Variants in NRG4 observed in about 807,000 individuals in gnomAD.
NRG4 encodes the protein pro-neuregulin-4, membrane-bound isoform.
NRG4 carries 10 observed loss-of-function variants against 15.0 expected under a neutral mutation model. The ratio of observed to expected loss-of-function variants is 0.67; its 90% confidence interval spans 0.41 to 1.13. The LOEUF (loss-of-function observed/expected upper bound fraction) is 1.13, where lower values mean the gene tolerates loss of function less well. Ranked by LOEUF, NRG4 falls within the 50% of genes most tolerant of loss-of-function variation. NRG4 has a pLI of 0.00. For missense variants in NRG4, 139 were observed against 140.2 expected (o/e 0.99, Z 0.04); for synonymous variants, 41 against 50.1 (o/e 0.82, Z 0.77).
intron 5 of NRG4, among the ~76,000 whole-genome samples, chr15:76,031,298 T>C (rs1446988355): frequency 6.6e-6 from 1 of 152,194 alleles, no homozygotes; most frequent in Non-Finnish European, 1.5e-5. Flanking sequence ...CCCCTAAGAT[T>C]AGAAACAAGG....
At chr15:75,988,372 A>C (rs989623919) in intron 3 of NRG4, among the ~76,000 whole-genome samples, 2 of 152,068 alleles carry the variant, frequency 1.3e-5, no homozygotes, top group African/African-American at 4.8e-5. Flanking sequence ...TTTTTAGGAG[A>C]GATAGGGTTT....
intron 3 of NRG4, among the ~76,000 whole-genome samples, chr15:75,973,647 C>T (rs920376764): frequency 1.3e-5 from 2 of 152,268 alleles, no homozygotes; most frequent in South Asian, 2.1e-4. Flanking sequence ...GTCATTGGTT[C>T]TGTTTATGTG....
intron 5 of NRG4, among the ~76,000 whole-genome samples, chr15:76,029,542 CA>C (rs1386695836): frequency 6.6e-6 from 1 of 152,032 alleles, no homozygotes; most frequent in Admixed American, 6.6e-5. Flanking sequence ...AAGACTCTAC[CA>C]AAAAACTCTT....
At chr15:75,983,875 G>T (rs1271103074) in intron 3 of NRG4, among the ~76,000 whole-genome samples, 2 of 152,006 alleles carry the variant, frequency 1.3e-5, no homozygotes, top group South Asian at 2.1e-4. Context: ...ATTAATTTAT[G>T]AATATAAATG....
intron 3 of NRG4, among the ~76,000 whole-genome samples, chr15:75,963,449 A>G (rs1442731822): frequency 2.0e-5 from 3 of 151,990 alleles, no homozygotes; most frequent in Non-Finnish European, 4.4e-5. Flanking sequence ...TTCAAGATCT[A>G]TCTGGGCAAT....
At chr15:75,999,016 T>A (rs1405406363) in intron 3 of NRG4, among the ~76,000 whole-genome samples, 3 of 152,130 alleles carry the variant, frequency 2.0e-5, no homozygotes, top group African/African-American at 7.2e-5. Flanking sequence ...ATTCAACAAT[T>A]AGAAGAGACT....
intron 4 of NRG4, among the ~76,000 whole-genome samples, chr15:75,961,482 A>G (rs2032520233): frequency 6.6e-6 from 1 of 152,334 alleles, no homozygotes; most frequent in Admixed American, 6.5e-5. Context: ...TAACATGTAC[A>G]GTATTGCGTA....
chr15:76,038,284 G>A (rs1236758461), intron 4 of NRG4, among the ~76,000 whole-genome samples: 1 of 152,196 alleles, frequency 6.6e-6, no homozygotes, highest in Non-Finnish European at 1.5e-5. Flanking sequence ...CTACCACAAC[G>A]TGGTATAGCA....
intron 5 of NRG4, among the ~76,000 whole-genome samples, chr15:76,027,663 A>G (rs978093884): frequency 1.9e-4 from 29 of 152,180 alleles, no homozygotes; most frequent in Non-Finnish European, 2.8e-4. Context: ...CAACAAAGAC[A>G]CACTGGATTT....
upstream of NRG4, among the ~76,000 whole-genome samples, chr15:76,012,794 C>T (rs2034858113): frequency 6.6e-6 from 1 of 151,862 alleles, no homozygotes; most frequent in Non-Finnish European, 1.5e-5. Context: ...ACCTTACAAG[C>T]CAGATAAAAT....
intron 5 of NRG4, among the ~76,000 whole-genome samples, chr15:75,952,739 G>A (rs181303404): frequency 5.7e-4 from 86 of 151,850 alleles, no homozygotes; most frequent in African/African-American, 1.9e-3. Context: ...GGTTTTGATC[G>A]TCATTTCCTG....
At chr15:75,969,330 T>C (rs1258705720) in intron 3 of NRG4, 1 of 393,118 alleles carries the variant, frequency 2.5e-6, no homozygotes, top group Non-Finnish European at 5.3e-6. Flanking sequence ...TAATGGAGTA[T>C]TTGCCAGCTG....
downstream of NRG4, chr15:75,935,607 G>C (rs1003528564): frequency 6.7e-6 from 1 of 149,834 alleles, no homozygotes; most frequent in African/African-American, 2.5e-5. Flanking sequence ...CTTGCAGACT[G>C]ATAAAAGTGG....
chr15:76,051,488 CTT>C (rs929445661), intron 4 of NRG4, among the ~76,000 whole-genome samples: 5 of 150,202 alleles, frequency 3.3e-5, no homozygotes, highest in African/African-American at 1.2e-4. Flanking sequence ...AAAGACCAGA[CTT>C]AAACTTAACC....
chr15:75,954,395 G>T (rs2032100854), intron 5 of NRG4, among the ~76,000 whole-genome samples: 1 of 149,162 alleles, frequency 6.7e-6, no homozygotes. Context: ...AACTGTGCTT[G>T]CCTGGTATTT....
chr15:76,040,912 G>A (rs1242356288), intron 4 of NRG4, among the ~76,000 whole-genome samples: 1 of 152,160 alleles, frequency 6.6e-6, no homozygotes, highest in African/African-American at 2.4e-5. Flanking sequence ...GTGACAAAGT[G>A]AGACTCTGTC....
intron 5 of NRG4, among the ~76,000 whole-genome samples, chr15:76,025,884 A>T (rs879827807): frequency 4.3e-4 from 64 of 148,452 alleles, no homozygotes; most frequent in Non-Finnish European, 7.9e-4. Context: ...CTCAAAAATT[A>T]AAAAAAAAAA....
chr15:75,989,788 G>T (rs2033937525), intron 3 of NRG4, among the ~76,000 whole-genome samples: 2 of 151,796 alleles, frequency 1.3e-5, no homozygotes, highest in African/African-American at 4.8e-5. Flanking sequence ...AATCACATTT[G>T]CCTGCTTCTT....
chr15:76,022,550 G>GT (rs1255975297), intron 5 of NRG4, among the ~76,000 whole-genome samples: 1 of 152,082 alleles, frequency 6.6e-6, no homozygotes, highest in Non-Finnish European at 1.5e-5. Context: ...TCAGACAGAG[G>GT]TAACAGCATG....
Sources: gnomAD v4.1 joint callset for allele counts (sites outside exome capture counted in the v4.1 genomes callset) on GRCh38, gnomAD v4.1.1 for gene constraint, MANE v1.5 for transcripts, NCBI Gene and HGNC (gene_info 2026-07-23, HGNC 2026-07-21) for gene names.